ITPR2: variants seen among roughly 807,000 people sequenced by gnomAD.
ITPR2 encodes inositol 1,4,5-trisphosphate-gated calcium channel ITPR2.
ITPR2 carries 207 observed loss-of-function variants against 317.1 expected under a neutral mutation model. The observed-to-expected ratio is 0.65, with a 90% CI of 0.58 to 0.73. The LOEUF is 0.73. Among genes scored for constraint, ITPR2 ranks in the 30% least tolerant of loss-of-function variants. The pLI, the probability that ITPR2 is intolerant of heterozygous loss-of-function variation, is 0.00. For synonymous variants in ITPR2, 1,156 were observed against 1,149.1 expected (o/e 1.01, Z -0.12); for missense variants, 2,613 against 3,284.0 (o/e 0.80, Z 4.99).
intron 4 of ITPR2, among the ~76,000 whole-genome samples, chr12:26,723,952 C>T (rs527972229): frequency 3.9e-5 from 6 of 152,232 alleles, no homozygotes; most frequent in African/African-American, 1.4e-4. Context: ...CAAGAAAAAG[C>T]CTTCAAGTCA....
chr12:26,466,490 A>G (rs1262893043), intron 45 of ITPR2, among the ~76,000 whole-genome samples: 1 of 152,224 alleles, frequency 6.6e-6, no homozygotes, highest in Admixed American at 6.5e-5. Context: ...AGCTAATTAT[A>G]CACATGCATT....
Position 26,350,919 on chromosome 12 carries a change from T to A in ITPR2, c.7858-10591A>T, listed in dbSNP as rs150821880. ...TCAGCTACATCTGCTCATGGTGGGG[T>A]CCTGCCCATTCCCAGCCAACAGGGC... On this transcript the variant is annotated intron_variant, in intron 55 of 56. Transcript: ENST00000381340. Among the ~76,000 whole-genome samples, 5 of 152,070 alleles carry A rather than the reference T, an allele frequency of 3.3e-5. No individual in the cohort carries two copies. The East Asian group carries it at 9.7e-4, about 29-fold the overall frequency.
chr12:26,424,586 GTTTTTTT>G (rs775756580), intron 49 of ITPR2, among the ~76,000 whole-genome samples: 2 of 88,706 alleles, frequency 2.3e-5, no homozygotes, highest in African/African-American at 4.6e-5. Context: ...TTCGTTTTGT[GTTTTTTT>G]TTTTTTTTTT....
chr12:26,390,678 C>A lies in ITPR2; in HGVS notation c.7697-3084G>T, dbSNP rs192492057. 3.4e-3 allele frequency among the ~76,000 whole-genome samples: 525 copies of A among 152,186 alleles called. 8 individuals carry two copies. The highest frequency in any genetic ancestry group is 0.012 in the African/African-American group (505 of 41,508). On this transcript the variant is annotated intron_variant, in intron 54 of 56. Transcript: ENST00000381340. ...AAAATCAATTATGGTGATGGATGCACAACTCTGAATATACTAAAAACCACT... is the reference window on the plus strand; with the variant it reads ...AAAATCAATTATGGTGATGGATGCAAAACTCTGAATATACTAAAAACCACT...
chr12:26,385,878 G>T (rs1939651367), intron 55 of ITPR2, among the ~76,000 whole-genome samples: 1 of 151,508 alleles, frequency 6.6e-6, no homozygotes, highest in African/African-American at 2.4e-5. Context: ...TTTTCATTTG[G>T]ACTTCTCTTG....
chr12:26,649,210 A>G (rs1947186760), intron 21 of ITPR2: 1 of 151,818 alleles, frequency 6.6e-6, no homozygotes. Flanking sequence ...ACCCACACAC[A>G]CACACACACA....
intron 2 of ITPR2, among the ~76,000 whole-genome samples, chr12:26,770,929 C>A (rs1949827972): frequency 6.6e-6 from 1 of 152,144 alleles, no homozygotes; most frequent in South Asian, 2.1e-4. Context: ...AAATCTTTTG[C>A]CTCTTCCAGC....
chr12:26,764,196 T>C (rs892005643), intron 2 of ITPR2, among the ~76,000 whole-genome samples: 12 of 151,992 alleles, frequency 7.9e-5, no homozygotes, highest in African/African-American at 2.9e-4. Flanking sequence ...TTCACAAAAA[T>C]TAACTAAAAA....
chr12:26,369,024 A>G (rs1234010187), intron 55 of ITPR2, among the ~76,000 whole-genome samples: 2 of 152,216 alleles, frequency 1.3e-5, no homozygotes, highest in African/African-American at 2.4e-5. Flanking sequence ...AGAGATGTGC[A>G]GGATGTAAAG....
intron 2 of ITPR2, among the ~76,000 whole-genome samples, chr12:26,753,900 T>C (rs1949475317): frequency 6.6e-6 from 1 of 152,220 alleles, no homozygotes; most frequent in African/African-American, 2.4e-5. Flanking sequence ...GAGCTTGACC[T>C]TGTAACCGTG....
intron 37 of ITPR2, among the ~76,000 whole-genome samples, chr12:26,515,521 G>A (rs1054395153): frequency 2.0e-5 from 3 of 151,940 alleles, no homozygotes; most frequent in African/African-American, 4.8e-5. Flanking sequence ...ACAAAAAGAA[G>A]GAGAAGAAAA....
At position 26,504,641 on chromosome 12, in the gene ITPR2, C is replaced by T. The variant is rs115253541; in HGVS notation, c.5074-9381G>A. Reference sequence around the variant, plus strand: ...ACATGGATCAAGAGAATGTGGGATGCAAATTGGTACAACTACTTTGGAAAT... The same window carrying T: ...ACATGGATCAAGAGAATGTGGGATGTAAATTGGTACAACTACTTTGGAAAT... On this transcript the variant is annotated intron_variant, in intron 37 of 56. Transcript: ENST00000381340. Among the ~76,000 whole-genome samples the T allele has an allele frequency of 5.6e-3, 860 of 152,254 alleles. 10 individuals carry two copies. The highest frequency in any genetic ancestry group is 0.02 in the African/African-American group (827 of 41,546).
At chr12:26,495,740 G>C (rs1172080333) in intron 37 of ITPR2, among the ~76,000 whole-genome samples, 1 of 152,192 alleles carries the variant, frequency 6.6e-6, no homozygotes, top group Non-Finnish European at 1.5e-5. Context: ...GAGTTGGGGA[G>C]TATCAGTTGC....
intron 13 of ITPR2, among the ~76,000 whole-genome samples, chr12:26,674,340 A>C (rs1312531180): frequency 6.6e-6 from 1 of 152,218 alleles, no homozygotes; most frequent in Non-Finnish European, 1.5e-5. Context: ...ACTGGTACCA[A>C]AACAGAGATA....
Position 26,655,731 on chromosome 12 carries a change from C to T in ITPR2, c.2566G>A (p.Glu856Lys). ...VNQPFPFGDKEKNKLTFEVVH... is the reference protein window; with the variant it reads ...VNQPFPFGDKKKNKLTFEVVH... ...ACCTCAAATGTCAGTTTATTTTTTT[C>T]TTTATCCCCAAAAGGAAAGGGCTGG... The change falls in exon 20 of 57, where the codon GAA (glutamate) becomes AAA (lysine). Residue 856 changes from glutamate to lysine, a missense_variant. Physicochemically the swap from Glu to Lys is moderately conservative, Grantham distance 56. This residue lies in a region of ITPR2 where 817 missense variants were observed against 897.6 expected (regional missense o/e 0.91). Coordinates refer to ENST00000381340, the MANE Select transcript of ITPR2 (RefSeq NM_002223.4). 1 of 1,607,624 alleles carries T rather than the reference C, an allele frequency of 6.2e-7. No individual in the cohort carries two copies. Among genetic ancestry groups the T allele is most frequent in the Non-Finnish European group, 8.5e-7 (1 of 1,177,052 alleles).
At chr12:26,435,713 T>C (rs974050571) in intron 48 of ITPR2, among the ~76,000 whole-genome samples, 1 of 152,220 alleles carries the variant, frequency 6.6e-6, no homozygotes, top group African/African-American at 2.4e-5. Flanking sequence ...TATTGTCTTA[T>C]GCTGTTCACT....
At chr12:26,634,884 C>CAAAAAA (rs55985706) in intron 21 of ITPR2, among the ~76,000 whole-genome samples, 2 of 58,546 alleles carry the variant, frequency 3.4e-5, no homozygotes, top group Non-Finnish European at 6.1e-5. Context: ...GACTTCATCT[C>CAAAAAA]AAAAAAAAAA....
At chr12:26,678,487 C>T (rs1046861013) in intron 13 of ITPR2, among the ~76,000 whole-genome samples, 5 of 151,680 alleles carry the variant, frequency 3.3e-5, no homozygotes, top group Non-Finnish European at 7.4e-5. Flanking sequence ...CTTCATTTTC[C>T]ATAGGGGGAA....
intron 2 of ITPR2, among the ~76,000 whole-genome samples, chr12:26,762,766 G>C (rs1408899874): frequency 6.6e-6 from 1 of 152,042 alleles, no homozygotes; most frequent in Non-Finnish European, 1.5e-5. Flanking sequence ...ATAATAACTT[G>C]TTAATGGATA....
Sources: allele counts gnomAD v4.1 joint callset (sites outside exome capture counted in the v4.1 genomes callset), GRCh38; gene constraint gnomAD v4.1.1; regional missense constraint gnomAD v4.1.1; transcripts MANE v1.5; gene names NCBI Gene and HGNC (gene_info 2026-07-23, HGNC 2026-07-21).